Variants in IL31RA observed in about 807,000 individuals in gnomAD.
IL31RA encodes the protein interleukin-31 receptor subunit alpha.
IL31RA carries 66 observed loss-of-function variants against 83.7 expected under a neutral mutation model. The observed-to-expected ratio is 0.79, with a 90% confidence interval of 0.65 to 0.97. IL31RA has a LOEUF of 0.97. Ranked by LOEUF, IL31RA falls within the 50% of genes least tolerant of loss-of-function variation. IL31RA has a pLI of 0.00. For synonymous variants in IL31RA, 325 were observed against 329.0 expected, an observed-to-expected ratio of 0.99 and a Z score of 0.13; for missense variants, 798 against 919.4, an observed-to-expected ratio of 0.87 and a Z score of 1.71.
intron 5 of IL31RA, among the ~76,000 whole-genome samples, chr5:55,887,118 T>C (rs954845621): frequency 6.6e-6 from 1 of 152,242 alleles, no homozygotes; most frequent in Non-Finnish European, 1.5e-5. Flanking sequence ...ACAAGACCCA[T>C]ATTTGTATGA....
At chr5:55,908,543 A>C (rs1459560937) in intron 11 of IL31RA, 132 bp downstream of exon 11, 3 of 1,580,216 alleles carry the variant, frequency 1.9e-6, no homozygotes, top group East Asian at 4.7e-5. Flanking sequence ...AGCTTCTTTA[A>C]ATCTCTCTGA....
chr5:55,843,248 G>A, the IL31RA span, among the ~76,000 whole-genome samples: 1 of 152,120 alleles, frequency 6.6e-6, no homozygotes, highest in Non-Finnish European at 1.5e-5. Flanking sequence ...CAGAAATCAT[G>A]GTGGAAAGAA....
intron 2 of IL31RA, among the ~76,000 whole-genome samples, chr5:55,867,159 GTGTGTGTGCATGTGTGTGTGCA>G (rs1746145455): frequency 1.1e-5 from 1 of 90,818 alleles, no homozygotes; most frequent in Admixed American, 1.1e-4. Context: ...ATGTGTGTTT[GTGTGTGTGCATGTGTGTGTGCA>G]TGTGTGTTTG....
In IL31RA at chr5:55,916,796, A is replaced by G. The variant is rs1749811374; in HGVS notation, c.1971A>G (p.Arg657=). 6.2e-7 allele frequency: 1 copy of G among 1,614,246 alleles called. No individual in the cohort carries two copies. The highest frequency in any genetic ancestry group is 8.5e-7 in the Non-Finnish European group (1 of 1,180,044). Residue 657 remains arginine, a synonymous_variant, in exon 15 of 15, where the codon AGA becomes AGG. Transcript: ENST00000652347. ...VLQEIFTDEA[R]TGQENNLGGE... is the part of the protein sequence containing the mutation. ...AAGAAATTTTCACAGATGAAGCCAGAACGGGTCAGGAAAACAATTTAGGAG... is the reference window on the plus strand; with the variant it reads ...AAGAAATTTTCACAGATGAAGCCAGGACGGGTCAGGAAAACAATTTAGGAG...
chr5:55,872,222 T>C, intron 3 of IL31RA, 48 bp from the exon 4 acceptor site: 1 of 1,386,998 alleles, frequency 7.2e-7, no homozygotes, highest in Non-Finnish European at 1.0e-6. Flanking sequence ...TGGTTATGTT[T>C]CCAAACCATT....
intron 3 of IL31RA, 116 bp downstream of exon 3, chr5:55,869,024 G>T: frequency 1.3e-6 from 1 of 762,702 alleles, no homozygotes; most frequent in Non-Finnish European, 2.4e-6. Flanking sequence ...ACAGCTTCTG[G>T]GTGATTACTG....
chr5:55,882,838 T>C (rs909348718), intron 4 of IL31RA, among the ~76,000 whole-genome samples: 2 of 152,092 alleles, frequency 1.3e-5, no homozygotes, highest in African/African-American at 4.8e-5. Flanking sequence ...ATCACAGGAA[T>C]GCATCCTTCT....
intron 4 of IL31RA, among the ~76,000 whole-genome samples, chr5:55,879,425 CTTTT>C (rs869152529): frequency 6.6e-5 from 3 of 45,798 alleles, no homozygotes; most frequent in African/African-American, 9.7e-5. Flanking sequence ...AGTTTCTGTC[CTTTT>C]TTTTTTTTTT....
At chr5:55,881,207 C>G (rs1415117958) in intron 4 of IL31RA, among the ~76,000 whole-genome samples, 1 of 151,506 alleles carries the variant, frequency 6.6e-6, no homozygotes, top group Non-Finnish European at 1.5e-5. Flanking sequence ...GGGGCTGAGG[C>G]AGGAGAATGG....
chr5:55,868,429 A>G (rs965395903), intron 2 of IL31RA, among the ~76,000 whole-genome samples: 2 of 152,226 alleles, frequency 1.3e-5, no homozygotes, highest in African/African-American at 4.8e-5. Flanking sequence ...TGCCCACATC[A>G]TCTGTTACCC....
intron 3 of IL31RA, among the ~76,000 whole-genome samples, chr5:55,871,479 T>C (rs942563129): frequency 2.0e-5 from 3 of 152,238 alleles, no homozygotes; most frequent in African/African-American, 4.8e-5. Flanking sequence ...ACCCATCTGA[T>C]TCCCACTAAT....
chr5:55,890,199 T>G, intron 6 of IL31RA, 64 bp downstream of exon 6: 2 of 1,541,130 alleles, frequency 1.3e-6, no homozygotes, highest in Non-Finnish European at 1.8e-6. Flanking sequence ...GGGCTAGACT[T>G]GGTGGGGTTT....
At position 55,851,597 on chromosome 5, in the gene IL31RA, C is replaced by T. The variant is rs1745074587; in HGVS notation, c.27C>T (p.Phe9=). ...TGTGCATCAGGCAACTCAAGTTTTT[C>T]ACCACGGCATGTGTCTGTGAATGTC... MCIRQLKF[F]TTACVCECPQ... Residue 9 remains phenylalanine (F), a synonymous_variant, in exon 1 of 15, where the codon TTC becomes TTT. Coordinates refer to ENST00000652347, the MANE Select transcript of IL31RA (RefSeq NM_139017.7). 1.2e-6 allele frequency: 2 copies of T among 1,613,818 alleles called. No individual in the cohort carries two copies. Among genetic ancestry groups the T allele is most frequent in the African/African-American group, 1.3e-5 (1 of 74,874 alleles).
intron 1 of IL31RA, among the ~76,000 whole-genome samples, chr5:55,852,782 G>A (rs144917487): frequency 0.013 from 1,946 of 152,336 alleles, 23 homozygotes; most frequent in South Asian, 0.047. Flanking sequence ...GAAACTGAGA[G>A]TCAGGCTGCC....
chr5:55,922,718 AT>A lies in IL31RA; in HGVS notation c.*5602del. 1 of 443,662 alleles carries A rather than the reference AT, an allele frequency of 2.3e-6. No homozygotes were observed. Among genetic ancestry groups the A allele is most frequent in the East Asian group, 3.7e-5 (1 of 27,224 alleles). The allele number at this position is 443,662 out of a possible 1,614,324, so 27.5% of individuals were successfully genotyped here. ...TTTCATACAAAAAAGCCATAATACC[AT>A]TTTCATGTAATGCTATACTTCTATA... is the stretch of plus-strand genomic sequence containing the variant. On this transcript the variant is annotated 3_prime_UTR_variant, in exon 15 of 15. Coordinates refer to ENST00000652347, the MANE Select transcript of IL31RA (RefSeq NM_139017.7).
At chr5:55,849,339 G>A (rs188097699), upstream of IL31RA, among the ~76,000 whole-genome samples, 1 of 151,344 alleles carries the variant, frequency 6.6e-6, no homozygotes, top group East Asian at 1.9e-4. Context: ...GATAAAGACT[G>A]AAGTCTCTTA....
upstream of IL31RA, among the ~76,000 whole-genome samples, chr5:55,849,376 A>G (rs1349692649): frequency 6.6e-6 from 1 of 152,156 alleles, no homozygotes; most frequent in Admixed American, 6.5e-5. Flanking sequence ...ACACACACAT[A>G]TGTGCATCCT....
At chr5:55,891,591 G>A (rs1351754277) in intron 6 of IL31RA, among the ~76,000 whole-genome samples, 1 of 151,884 alleles carries the variant, frequency 6.6e-6, no homozygotes, top group Non-Finnish European at 1.5e-5. Context: ...CCACTCTTGT[G>A]TGTCAAACCT....
chr5:55,846,505 C>T (rs779946990), upstream of IL31RA, among the ~76,000 whole-genome samples: 1 of 152,150 alleles, frequency 6.6e-6, no homozygotes, highest in Non-Finnish European at 1.5e-5. Context: ...TGAGTTTTCT[C>T]ATCTATAAAA....
Sources: allele counts gnomAD v4.1 joint callset (sites outside exome capture counted in the v4.1 genomes callset), GRCh38; gene constraint gnomAD v4.1.1; transcripts MANE v1.5; gene names NCBI Gene and HGNC (gene_info 2026-07-23, HGNC 2026-07-21).